The following NIN variants were observed in gnomAD, a reference collection of about 807,000 sequenced individuals.
NIN encodes ninein.
A neutral mutation model predicts 257.6 loss-of-function variants in NIN; 137 were observed. The observed-to-expected ratio is 0.53, with a 90% CI of 0.46 to 0.61. NIN has a LOEUF of 0.61. Ranked by LOEUF, NIN falls within the 20% of genes least tolerant of loss-of-function variation. NIN has a pLI of 0.00. For missense variants in NIN, 2,439 were observed against 2,501.2 expected, an observed-to-expected ratio of 0.98 and a Z score of 0.53; for synonymous variants, 918 against 919.8, an observed-to-expected ratio of 1.00 and a Z score of 0.04.
chr14:50,743,403 A>C lies in NIN; in HGVS notation c.5301+13T>G. The C allele has an allele frequency of 6.6e-7, 1 of 1,506,574 alleles. No individual in the cohort carries two copies. The highest frequency in any genetic ancestry group is 9.2e-7 in the Non-Finnish European group (1 of 1,081,880). 93.3% of individuals were successfully genotyped at this position (1,506,574 alleles called of 1,614,324 possible). A position where few individuals can be genotyped will look rare whatever the true frequency, so the allele number is the denominator to read the frequency against. On this transcript the variant is annotated intron_variant, in intron 24 of 30. Transcript: ENST00000530997. ...TACTAACCGTGAAGATGAAACAAGA[A>C]TTGTCCATGTACCTTTTCCTGAGAA...
intron 3 of NIN, among the ~76,000 whole-genome samples, chr14:50,810,417 T>C (rs889000157): frequency 1.3e-5 from 2 of 151,900 alleles, no homozygotes; most frequent in Non-Finnish European, 1.5e-5. Flanking sequence ...ATTAGCCAGG[T>C]GTGGTAGCGT....
Position 50,721,800 on chromosome 14 carries a change from A to G in NIN, c.*1663T>C, listed in dbSNP as rs1393005734. 5 of 223,730 alleles carry G rather than the reference A, an allele frequency of 2.2e-5. No homozygotes were observed. Among genetic ancestry groups the G allele is most frequent in the African/African-American group, 1.1e-4 (5 of 44,808 alleles). 13.9% of individuals were successfully genotyped at this position (223,730 alleles called of 1,614,324 possible). On this transcript the variant is annotated 3_prime_UTR_variant, in exon 31 of 31. Coordinates refer to ENST00000530997, the MANE Select transcript of NIN (RefSeq NM_020921.4). Reference sequence around the variant, plus strand: ...GTGAACTCCCAGTCCCACAAAAAACAGTGCCTTGTCAAGGCTCTTGTAGTG... The same window carrying G: ...GTGAACTCCCAGTCCCACAAAAAACGGTGCCTTGTCAAGGCTCTTGTAGTG...
intron 26 of NIN, 40 bp downstream of exon 26, chr14:50,739,268 T>C: frequency 6.3e-7 from 1 of 1,595,506 alleles, no homozygotes; most frequent in Non-Finnish European, 8.6e-7. Context: ...AAACTAGTCA[T>C]TTTCAAACAT....
intron 21 of NIN, among the ~76,000 whole-genome samples, chr14:50,751,144 A>C (rs2146001): frequency 0.55 from 82,947 of 151,992 alleles, 23,520 homozygotes; most frequent in African/African-American, 0.69. Flanking sequence ...TATGGACATA[A>C]CCCCCACATG....
At chr14:50,737,599 G>A (rs1168427680) in intron 27 of NIN, among the ~76,000 whole-genome samples, 4 of 144,806 alleles carry the variant, frequency 2.8e-5, no homozygotes, top group African/African-American at 1.0e-4. Flanking sequence ...TAATAAAGAT[G>A]ATTAATTGCC....
chr14:50,729,777 G>A, intron 28 of NIN, 54 bp from the exon 29 acceptor site: 3 of 1,362,078 alleles, frequency 2.2e-6, no homozygotes, highest in Non-Finnish European at 3.0e-6. Flanking sequence ...TCCCAGAGCT[G>A]CCCTTTATGG....
intron 22 of NIN, among the ~76,000 whole-genome samples, chr14:50,745,542 T>C (rs968686701): frequency 1.3e-5 from 2 of 152,216 alleles, no homozygotes; most frequent in Non-Finnish European, 2.9e-5. Context: ...CACATTTAGC[T>C]GTAGGAATAG....
chr14:50,779,737 A>G (rs1006414724), intron 5 of NIN, among the ~76,000 whole-genome samples: 7 of 151,696 alleles, frequency 4.6e-5, no homozygotes, highest in South Asian at 2.1e-4. Context: ...CAGCCTGGGC[A>G]ACAGAGCGAG....
At position 50,773,055 on chromosome 14, in the gene NIN, G is replaced by A; in HGVS notation, c.707C>T (p.Thr236Ile). The A allele has an allele frequency of 3.7e-6, 6 of 1,612,676 alleles. No individual in the cohort carries two copies. Among genetic ancestry groups the A allele is most frequent in the Non-Finnish European group, 5.1e-6 (6 of 1,178,950 alleles). ...ATAGAAAAAATCTTCTACACTCATT[G>A]TACCGTCAGGATCAAGATTATGGAA... ...EVFHNLDPDG[T>I]MSVEDFFYGL... Residue 236 changes from threonine (T) to isoleucine (I), a missense_variant, in exon 8 of 31, where the codon ACA becomes ATA. Around this residue, in one of 3 missense-constraint regions of NIN, gnomAD observed 387 missense variants for 427.3 expected, o/e 0.91. Transcript: ENST00000530997.
intron 4 of NIN, among the ~76,000 whole-genome samples, chr14:50,800,438 C>T (rs754607837): frequency 1.3e-5 from 2 of 152,170 alleles, no homozygotes; most frequent in African/African-American, 2.4e-5. Context: ...CATGTTGGTG[C>T]TTAAAAGTCT....
Position 50,741,679 on chromosome 14 carries a change from C to A in NIN, c.5351G>T (p.Arg1784Leu). 6.2e-7 allele frequency: 1 copy of A among 1,614,016 alleles called. No individual in the cohort carries two copies. The highest frequency in any genetic ancestry group is 8.5e-7 in the Non-Finnish European group (1 of 1,179,962). ...AGTCACTCGTAGGTCAGATTTCATCCGGGACATTTGCAGGTTTACATTCTG... is the reference window on the plus strand; with the variant it reads ...AGTCACTCGTAGGTCAGATTTCATCAGGGACATTTGCAGGTTTACATTCTG... Reference protein sequence around the residue: ...TVQNVNLQMSRMKSDLRVTQQ... With the variant: ...TVQNVNLQMSLMKSDLRVTQQ... The change falls in exon 25 of 31, where the codon CGG becomes CTG. Residue 1784 changes from arginine to leucine, a missense_variant. Around this residue, in one of 3 missense-constraint regions of NIN, gnomAD observed 2,043 missense variants for 2,050.2 expected, o/e 1.00. Transcript: ENST00000530997.
chr14:50,762,199 A>C (rs183687932), intron 15 of NIN, among the ~76,000 whole-genome samples: 2 of 152,300 alleles, frequency 1.3e-5, no homozygotes, highest in African/African-American at 4.8e-5. Flanking sequence ...GCGGGGGTGG[A>C]AATTGTTGCT....
intron 30 of NIN, 42 bp downstream of exon 30, chr14:50,725,911 G>A: frequency 1.9e-6 from 3 of 1,613,922 alleles, no homozygotes; most frequent in Non-Finnish European, 2.5e-6. Flanking sequence ...AGTTAAAGCT[G>A]GAATGTGAGG....
Position 50,726,022 on chromosome 14 carries a change from T to C in NIN, c.6123A>G (p.Ile2041Met). 1.2e-6 allele frequency: 2 copies of C among 1,614,124 alleles called. No homozygotes were observed. The highest frequency in any genetic ancestry group is 1.7e-6 in the Non-Finnish European group (2 of 1,179,946). ...QLVTVMEERM[I>M]EVEQKLKLVK... is the part of the protein sequence containing the mutation. ...CTAGTTTCAGTTTCTGTTCAACTTCTATCATTCGTTCCTCCATGACAGTTA... is the reference window on the plus strand; with the variant it reads ...CTAGTTTCAGTTTCTGTTCAACTTCCATCATTCGTTCCTCCATGACAGTTA... The change falls in exon 30 of 31, where the codon ATA becomes ATG. Residue 2041 changes from isoleucine to methionine, a missense_variant. By Grantham distance (10) the Ile-to-Met change is conservative. This residue lies in a region of NIN where 2,043 missense variants were observed against 2,050.2 expected (regional missense o/e 1.00). Transcript: ENST00000530997.
At chr14:50,818,109 G>T (rs922024853) in intron 3 of NIN, among the ~76,000 whole-genome samples, 3 of 151,866 alleles carry the variant, frequency 2.0e-5, no homozygotes, top group East Asian at 4.0e-4. Flanking sequence ...GGATCACGAG[G>T]TCAGGAGATC....
At chr14:50,729,761 C>T in intron 28 of NIN, 38 bp from the exon 29 acceptor site, 1 of 1,495,098 alleles carries the variant, frequency 6.7e-7, no homozygotes, top group Non-Finnish European at 9.0e-7. Context: ...AGCTGAGTCC[C>T]TTCAATCCCA....
chr14:50,760,548 C>T (rs1225736250), intron 16 of NIN, among the ~76,000 whole-genome samples, 189 bp from the exon 17 acceptor site: 1 of 148,628 alleles, frequency 6.7e-6, no homozygotes, highest in Non-Finnish European at 1.5e-5. Context: ...GCATGGTTTA[C>T]ATATCTCTTT....
rs376121996 is a variant in NIN at position 50,773,065 on chromosome 14, G to T, written c.697C>A (p.Pro233Thr). ...TCTTCTACACTCATTGTACCGTCAG[G>T]ATCAAGATTATGGAATACTTCCTCG... Reference protein sequence around the residue: ...MLEEVFHNLDPDGTMSVEDFF... With the variant: ...MLEEVFHNLDTDGTMSVEDFF... The change falls in exon 8 of 31, where the codon CCT (proline) becomes ACT (threonine). Residue 233 changes from proline to threonine, a missense_variant. Around this residue, in one of 3 missense-constraint regions of NIN, gnomAD observed 387 missense variants for 427.3 expected, o/e 0.91. Coordinates refer to ENST00000530997, the MANE Select transcript of NIN (RefSeq NM_020921.4). 5 of 1,611,846 alleles carry T rather than the reference G, an allele frequency of 3.1e-6. No individual in the cohort carries two copies. Among genetic ancestry groups the T allele is most frequent in the Non-Finnish European group, 4.2e-6 (5 of 1,179,030 alleles).
At chr14:50,776,570 C>T (rs1007967343) in intron 7 of NIN, among the ~76,000 whole-genome samples, 6 of 152,194 alleles carry the variant, frequency 3.9e-5, no homozygotes, top group East Asian at 1.9e-4. Context: ...CTTCAAAATA[C>T]TCCCCCAACT....
Sources: gnomAD v4.1 joint callset for allele counts (sites outside exome capture counted in the v4.1 genomes callset) on GRCh38, gnomAD v4.1.1 for gene constraint, gnomAD v4.1.1 regional missense constraint, MANE v1.5 for transcripts, NCBI Gene and HGNC (gene_info 2026-07-23, HGNC 2026-07-21) for gene names.